Variants in NR2F1-AS1 observed in about 807,000 individuals in gnomAD.
NR2F1-AS1 encodes NR2F1 antisense RNA 1.
Position 93,519,524 on chromosome 5 carries a change from A to T in NR2F1-AS1, n.638+34237T>A, listed in dbSNP as rs78409590. Among the ~76,000 whole-genome samples, 363 of 152,106 alleles carry T rather than the reference A, an allele frequency of 2.4e-3. 2 individuals are homozygous for T. The highest frequency in any genetic ancestry group is 8.3e-3 in the African/African-American group (343 of 41,542). On this transcript the variant is annotated intron_variant and non_coding_transcript_variant, in intron 4 of 5. Coordinates refer to ENST00000660523, the Ensembl canonical transcript of NR2F1-AS1. ...CCCTTAATTTCTATTTCTACACTGTATGTTTTGGTAATAACTTAGTTGTCA... is the reference window on the plus strand; with the variant it reads ...CCCTTAATTTCTATTTCTACACTGTTTGTTTTGGTAATAACTTAGTTGTCA...
intron 4 of NR2F1-AS1, among the ~76,000 whole-genome samples, chr5:93,460,723 G>GA (rs932354078): frequency 1.9e-4 from 28 of 149,984 alleles, no homozygotes; most frequent in African/African-American, 5.4e-4. Context: ...ACAAACACAT[G>GA]AAAAAAAAAT....
At chr5:93,568,707 T>C (rs903261795) in intron 1 of NR2F1-AS1, among the ~76,000 whole-genome samples, 7 of 152,170 alleles carry the variant, frequency 4.6e-5, no homozygotes, top group African/African-American at 1.7e-4. Flanking sequence ...TCACAATTCC[T>C]GGCTATGCTG....
intron 4 of NR2F1-AS1, among the ~76,000 whole-genome samples, chr5:93,547,275 A>G (rs1249851672): frequency 6.6e-6 from 1 of 152,210 alleles, no homozygotes; most frequent in Non-Finnish European, 1.5e-5. Context: ...TACTAGGTAG[A>G]CATCAAAAGT....
intron 4 of NR2F1-AS1, among the ~76,000 whole-genome samples, chr5:93,462,452 T>C (rs1298136318): frequency 3.3e-5 from 5 of 152,238 alleles, no homozygotes; most frequent in African/African-American, 1.2e-4. Context: ...GTCTTTAGTA[T>C]GTCTTTATTA....
chr5:93,494,632 G>A (rs1580275397), intron 4 of NR2F1-AS1, among the ~76,000 whole-genome samples: 1 of 152,020 alleles, frequency 6.6e-6, no homozygotes, highest in African/African-American at 2.4e-5. Context: ...GAAAAAGTTG[G>A]CAACGATGTA....
Position 93,446,905 on chromosome 5 carries a change from T to C in NR2F1-AS1, n.639-51363A>G, listed in dbSNP as rs192086388. On this transcript the variant is annotated intron_variant and non_coding_transcript_variant, in intron 4 of 5. Transcript: ENST00000660523. Reference sequence around the variant, plus strand: ...GCCCTCAGAAATAATACCACACATCTACAACCATCTGATCTTTGACAAACC... The same window carrying C: ...GCCCTCAGAAATAATACCACACATCCACAACCATCTGATCTTTGACAAACC... Among the ~76,000 whole-genome samples the C allele has an allele frequency of 3.6e-3, 552 of 152,216 alleles. 3 individuals carry two copies. The highest frequency in any genetic ancestry group is 6.4e-3 in the Non-Finnish European group (433 of 67,984).
At chr5:93,446,496 G>A (rs1439392525) in intron 4 of NR2F1-AS1, among the ~76,000 whole-genome samples, 2 of 152,080 alleles carry the variant, frequency 1.3e-5, no homozygotes, top group Admixed American at 6.6e-5. Context: ...ACTTATAAGG[G>A]GTGTGAAGGA....
intron 2 of NR2F1-AS1, among the ~76,000 whole-genome samples, chr5:93,556,025 T>C (rs140222884): frequency 1.6e-4 from 24 of 152,122 alleles, no homozygotes; most frequent in African/African-American, 5.3e-4. Flanking sequence ...CAGGATCCCT[T>C]GACAATATAA....
In NR2F1-AS1 at chr5:93,579,116, T is replaced by C. The variant is rs1752961378; in HGVS notation, n.313+1351A>G. 6.6e-6 allele frequency among the ~76,000 whole-genome samples: 1 copy of C among 152,124 alleles called. No homozygotes were observed. Among genetic ancestry groups the C allele is most frequent in the African/African-American group, 2.4e-5 (1 of 41,432 alleles). ...AGAGAAACTGAGCTCTAAGTGCCAC[T>C]CAGGCCGGACGAGTTCCAGAGGGGG... On this transcript the variant is annotated intron_variant and non_coding_transcript_variant, in intron 1 of 5. Coordinates refer to ENST00000660523, the Ensembl canonical transcript of NR2F1-AS1. This position sits in a 1 kb window ranked among gnomAD's most constrained non-coding sequence, Gnocchi z 5.1.
chr5:93,475,407 T>C (rs570835285), intron 4 of NR2F1-AS1, among the ~76,000 whole-genome samples: 1 of 152,164 alleles, frequency 6.6e-6, no homozygotes, highest in Admixed American at 6.5e-5. Context: ...TCTTCACCTG[T>C]TTGTTTGTTG....
chr5:93,410,179 A>G (rs1413294786), intron 4 of NR2F1-AS1: 1 of 152,228 alleles, frequency 6.6e-6, no homozygotes, highest in Non-Finnish European at 1.5e-5. Flanking sequence ...CACGAAGGAC[A>G]ATGAATACAA....
At chr5:93,552,202 A>G (rs1344567580) in intron 4 of NR2F1-AS1, among the ~76,000 whole-genome samples, 1 of 152,212 alleles carries the variant, frequency 6.6e-6, no homozygotes, top group African/African-American at 2.4e-5. Flanking sequence ...AATGAAATAC[A>G]GGCTCTAGAA....
rs1002411658 is a variant in NR2F1-AS1 at position 93,456,648 on chromosome 5, T to G, written n.639-61106A>C. On this transcript the variant is annotated intron_variant and non_coding_transcript_variant, in intron 4 of 5. Transcript: ENST00000660523. The stretch of plus-strand genomic sequence containing the variant: ...AACTAGTACAACTCAAATAATTTTT[T>G]ACATTTTTAATTTTTTTTTTTTTTA... Among the ~76,000 whole-genome samples the G allele has an allele frequency of 7.9e-5, 12 of 151,720 alleles. 1 individual carries two copies. Among genetic ancestry groups the G allele is most frequent in the Admixed American group, 6.6e-5 (1 of 15,262 alleles).
intron 1 of NR2F1-AS1, among the ~76,000 whole-genome samples, chr5:93,575,763 G>C (rs1302992914): frequency 6.6e-6 from 1 of 151,618 alleles, no homozygotes; most frequent in African/African-American, 2.4e-5. Context: ...AGAGAGTGAG[G>C]GCATGAAAAA....
chr5:93,584,965 C>T, upstream of NR2F1-AS1: 1 of 792,616 alleles, frequency 1.3e-6, no homozygotes, highest in Non-Finnish European at 1.5e-6. Context: ...CGCGCCCGCG[C>T]GCCCCGCGGC....
At chr5:93,514,004 G>C (rs1751352457) in intron 4 of NR2F1-AS1, among the ~76,000 whole-genome samples, 2 of 152,012 alleles carry the variant, frequency 1.3e-5, no homozygotes, top group South Asian at 2.1e-4. Context: ...AATTACAATA[G>C]TTGACCCTCA....
intron 4 of NR2F1-AS1, among the ~76,000 whole-genome samples, chr5:93,472,614 A>G (rs2149870956): frequency 6.6e-6 from 1 of 151,998 alleles, no homozygotes; most frequent in African/African-American, 2.4e-5. Context: ...ATTAGGTAGA[A>G]AAATCTGTGG....
At chr5:93,568,895 C>T (rs1752677349) in intron 1 of NR2F1-AS1, among the ~76,000 whole-genome samples, 1 of 152,126 alleles carries the variant, frequency 6.6e-6, no homozygotes, top group South Asian at 2.1e-4. Flanking sequence ...AATTTAATTC[C>T]TTTACTACCC....
At chr5:93,531,191 T>C (rs1334793370) in intron 4 of NR2F1-AS1, among the ~76,000 whole-genome samples, 1 of 152,180 alleles carries the variant, frequency 6.6e-6, no homozygotes. Context: ...AGGAAAATAA[T>C]GGCAAATGAT....
Sources: allele counts gnomAD v4.1 joint callset (sites outside exome capture counted in the v4.1 genomes callset), GRCh38; gene constraint gnomAD v4.1.1; non-coding constraint Gnocchi (gnomAD v3.1); transcripts MANE v1.5; gene names NCBI Gene and HGNC (gene_info 2026-07-23, HGNC 2026-07-21).